NBEAL2: variants seen among roughly 807,000 people sequenced by gnomAD.
NBEAL2 encodes neurobeachin like 2, also known as neurobeachin-like protein 2.
Under a neutral mutation model 299.8 loss-of-function variants are expected in NBEAL2, and 160 were observed. The observed-to-expected ratio is 0.53, with a 90% CI of 0.47 to 0.61. NBEAL2 has a LOEUF of 0.61. NBEAL2 is among the 20% of genes least tolerant of loss of function. NBEAL2 has a pLI of 0.00. For synonymous variants in NBEAL2, 1,493 were observed against 1,542.3 expected (o/e 0.97, Z 0.75); for missense variants, 3,112 against 3,649.0 (o/e 0.85, Z 3.79).
In NBEAL2 at chr3:47,008,391, G is replaced by C; in HGVS notation, c.7828G>C (p.Glu2610Gln). The C allele has an allele frequency of 6.2e-7, 1 of 1,613,930 alleles. No homozygotes were observed. The highest frequency in any genetic ancestry group is 1.3e-5 in the African/African-American group (1 of 75,050). Residue 2610 changes from glutamate (E) to glutamine (Q), a missense_variant, in exon 51 of 54, where the codon GAA becomes CAA. This residue lies in a region of NBEAL2 where 348 missense variants were observed against 381.4 expected (regional missense o/e 0.91). Coordinates refer to ENST00000450053, the MANE Select transcript of NBEAL2 (RefSeq NM_015175.3). ...TATTTTCCACCTGGCATTGGGGTCC[G>C]AAGGCCAGATTGTGGTACAGAGCTC... ...GPIFHLALGSEGQIVVQSSAW... is the reference protein window; with the variant it reads ...GPIFHLALGSQGQIVVQSSAW...
At position 46,999,098 on chromosome 3, in the gene NBEAL2, T is replaced by C; in HGVS notation, c.3524T>C (p.Leu1175Pro). ...LLVRPGSLPL[L>P]PDRVCKILRR... Reference sequence around the variant, plus strand: ...GTGCGGCCAGGGTCACTGCCCCTGCTGCCCGATCGAGTCTGCAAGGTACAC... The same window carrying C: ...GTGCGGCCAGGGTCACTGCCCCTGCCGCCCGATCGAGTCTGCAAGGTACAC... Residue 1175 changes from leucine to proline, a missense_variant, in exon 24 of 54, where the codon CTG (leucine) becomes CCG (proline). Transcript: ENST00000450053. 1 of 1,584,416 alleles carries C rather than the reference T, an allele frequency of 6.3e-7. No homozygotes were observed. The highest frequency in any genetic ancestry group is 1.2e-5 in the South Asian group (1 of 86,578).
At chr3:46,998,251 G>A (rs2036653286) in intron 21 of NBEAL2, 25 bp downstream of exon 21, 2 of 1,603,064 alleles carry the variant, frequency 1.2e-6, no homozygotes, top group Non-Finnish European at 1.7e-6. Context: ...CTGAGCAAGG[G>A]GCCGGCCATA....
chr3:46,991,831 C>T lies in NBEAL2; in HGVS notation c.926-9C>T. On this transcript the variant is annotated splice_polypyrimidine_tract_variant and intron_variant, in intron 8 of 53. Coordinates refer to ENST00000450053, the MANE Select transcript of NBEAL2 (RefSeq NM_015175.3). This position sits in a 1 kb window ranked among gnomAD's most constrained non-coding sequence, Gnocchi z 6.2. ...TCTGGGCAGGGCCTGACCCTTGACCCTTCCACAGACGCCATCCCCATGATG... is the reference window on the plus strand; with the variant it reads ...TCTGGGCAGGGCCTGACCCTTGACCTTTCCACAGACGCCATCCCCATGATG... The T allele has an allele frequency of 6.3e-7, 1 of 1,587,604 alleles. No individual in the cohort carries two copies. The highest frequency in any genetic ancestry group is 1.1e-5 in the South Asian group (1 of 87,108).
In NBEAL2 at chr3:46,989,934, C is replaced by T. The variant is rs1177938804; in HGVS notation, c.556+341C>T. Among the ~76,000 whole-genome samples, 2 of 152,130 alleles carry T rather than the reference C, an allele frequency of 1.3e-5. No individual in the cohort carries two copies. Among genetic ancestry groups the T allele is most frequent in the African/African-American group, 4.8e-5 (2 of 41,408 alleles). On this transcript the variant is annotated intron_variant, in intron 6 of 53. Coordinates refer to ENST00000450053, the MANE Select transcript of NBEAL2 (RefSeq NM_015175.3). The surrounding 1 kb of genome is among the most constrained non-coding windows in gnomAD (Gnocchi z 5.5). ...TGTCCCCATAGCCTCCACGCATCTC[C>T]ACCCATCCCGGAGACACAGGAGGTA... is the stretch of plus-strand genomic sequence containing the variant.
intron 47 of NBEAL2, 25 bp from the exon 48 acceptor site, chr3:47,007,500 C>A (rs376974912): frequency 6.3e-7 from 1 of 1,599,814 alleles, no homozygotes; most frequent in South Asian, 1.1e-5. Flanking sequence ...CCTGGCCTCA[C>A]TTGCTATCCC....
rs1258194703 is a variant in NBEAL2, at chr3:47,009,692, T to A, written c.*372T>A. 2.3e-5 allele frequency: 6 copies of A among 259,756 alleles called. No individual in the cohort carries two copies. The highest frequency in any genetic ancestry group is 3.7e-5 in the Non-Finnish European group (5 of 134,484). The allele number at this position is 259,756 out of a possible 1,614,324, so 16.1% of individuals were successfully genotyped here. On this transcript the variant is annotated 3_prime_UTR_variant, in exon 54 of 54. Coordinates refer to ENST00000450053, the MANE Select transcript of NBEAL2 (RefSeq NM_015175.3). Reference sequence around the variant, plus strand: ...TCCCTTCTCGGCAATAAACCAGGCCTAGTTTTGTAGCTGCTCCGTCTCCGA... The same window carrying A: ...TCCCTTCTCGGCAATAAACCAGGCCAAGTTTTGTAGCTGCTCCGTCTCCGA...
chr3:46,994,638 G>C, intron 12 of NBEAL2, 85 bp downstream of exon 12: 1 of 1,200,814 alleles, frequency 8.3e-7, no homozygotes, highest in South Asian at 1.3e-5. Flanking sequence ...CTCCACCCTG[G>C]GGGACCGTAT....
chr3:46,991,292 C>G lies in NBEAL2; in HGVS notation c.630C>G (p.Leu210=). The change falls in exon 7 of 54, where the codon CTC becomes CTG. Residue 210 remains leucine (L), a synonymous_variant. Transcript: ENST00000450053. This position sits in a 1 kb window ranked among gnomAD's most constrained non-coding sequence, Gnocchi z 6.2. ...LRLIHLFCAV[L]AGGKENGQMA... ...TCATCCACCTCTTCTGCGCCGTCCTCGCTGGAGGAAAGGTAGGCTGGGAGG... is the reference window on the plus strand; with the variant it reads ...TCATCCACCTCTTCTGCGCCGTCCTGGCTGGAGGAAAGGTAGGCTGGGAGG... The G allele has an allele frequency of 6.2e-7, 1 of 1,603,214 alleles. No individual in the cohort carries two copies. The highest frequency in any genetic ancestry group is 8.5e-7 in the Non-Finnish European group (1 of 1,174,760).
Position 47,009,353 on chromosome 3 carries a change from C to T in NBEAL2, c.*33C>T, listed in dbSNP as rs749254898. On this transcript the variant is annotated 3_prime_UTR_variant, in exon 54 of 54. Transcript: ENST00000450053. Reference sequence around the variant, plus strand: ...CAGTCCGGCTGCTCGGGCCCCGCCCCCGGCAGGCCTGGCCCGGGAGGCCCC... The same window carrying T: ...CAGTCCGGCTGCTCGGGCCCCGCCCTCGGCAGGCCTGGCCCGGGAGGCCCC... 1.2e-5 allele frequency: 18 copies of T among 1,554,148 alleles called. No homozygotes were observed. The Middle Eastern group carries it at 5.0e-4, about 43-fold the overall frequency.
rs1047598986 is a variant in NBEAL2 at position 46,987,932 on chromosome 3, C to G, written c.52-737C>G. ...CCGGGAGGAAGCGGTCCCCCTCCCC[C>G]ACCGTGACTCTGCGCTTCCTGCCCC... On this transcript the variant is annotated intron_variant, in intron 1 of 53. Transcript: ENST00000450053. The G allele has an allele frequency of 1.2e-4, 140 of 1,199,280 alleles. 2 individuals are homozygous for G. The South Asian group carries it at 1.8e-3, about 15-fold the overall frequency. 74.3% of individuals were successfully genotyped at this position (1,199,280 alleles called of 1,614,324 possible).
At chr3:47,005,373 C>T (rs2037351482) in intron 40 of NBEAL2, 52 bp downstream of exon 40, 2 of 1,582,384 alleles carry the variant, frequency 1.3e-6, no homozygotes, top group South Asian at 2.3e-5. Context: ...GGGGAGGAGG[C>T]TGGTCCTCCC....
In NBEAL2 at chr3:47,003,793, T is replaced by C; in HGVS notation, c.5721-23T>C. On this transcript the variant is annotated intron_variant, in intron 35 of 53. Transcript: ENST00000450053. This position sits in a 1 kb window ranked among gnomAD's most constrained non-coding sequence, Gnocchi z 7.0. ...GAAGGGGGTCCCAGAGCCTACAGCG[T>C]GAGGTGGGTTGCTGGTCTTTAGGAT... 6.4e-7 allele frequency: 1 copy of C among 1,571,554 alleles called. No individual in the cohort carries two copies. Among genetic ancestry groups the C allele is most frequent in the African/African-American group, 1.3e-5 (1 of 74,110 alleles).
In NBEAL2 at chr3:47,004,128, T is replaced by C; in HGVS notation, c.5933T>C (p.Leu1978Pro). The C allele has an allele frequency of 6.2e-7, 1 of 1,613,654 alleles. No homozygotes were observed. The highest frequency in any genetic ancestry group is 1.1e-5 in the South Asian group (1 of 91,078). Residue 1978 changes from leucine to proline, a missense_variant, in exon 37 of 54, where the codon CTG (leucine) becomes CCG (proline). This residue lies in a region of NBEAL2 where 521 missense variants were observed against 729.6 expected (regional missense o/e 0.71). Coordinates refer to ENST00000450053, the MANE Select transcript of NBEAL2 (RefSeq NM_015175.3). This position sits in a 1 kb window ranked among gnomAD's most constrained non-coding sequence, Gnocchi z 5.0. ...RPLAQLREVHLRRFNLRRSAL... is the reference protein window; with the variant it reads ...RPLAQLREVHPRRFNLRRSAL... ...CTGGCCCAGCTGCGTGAGGTCCACC[T>C]GCGGCGTTTCAACCTGCGCCGTTCA...
rs574980764 is a variant in NBEAL2, at chr3:47,005,692, C to T, written c.6692-46C>T. 1.1e-4 allele frequency: 163 copies of T among 1,506,312 alleles called. 2 individuals carry two copies. The South Asian group carries it at 1.7e-3, about 16-fold the overall frequency. 93.3% of individuals were successfully genotyped at this position (1,506,312 alleles called of 1,614,324 possible). ...AGCAGATGGTGGAGTGGCCAGGGGG[C>T]AGTCGGGATGGACAGGGAGACAGCT... On this transcript the variant is annotated intron_variant, in intron 41 of 53. Coordinates refer to ENST00000450053, the MANE Select transcript of NBEAL2 (RefSeq NM_015175.3).
rs1259063881 is a variant in NBEAL2, at chr3:47,006,462, C to A, written c.7134+13C>A. 8.3e-6 allele frequency: 13 copies of A among 1,557,014 alleles called. No individual in the cohort carries two copies. The highest frequency in any genetic ancestry group is 3.5e-6 in the Non-Finnish European group (4 of 1,148,642). On this transcript the variant is annotated intron_variant, in intron 45 of 53. Transcript: ENST00000450053. Reference sequence around the variant, plus strand: ...ATTCTTCGCAGAGGTGAAAGGAAGACAAGACCTCAACTTTATATTCTGTGA... The same window carrying A: ...ATTCTTCGCAGAGGTGAAAGGAAGAAAAGACCTCAACTTTATATTCTGTGA...
At position 46,999,296 on chromosome 3, in the gene NBEAL2, TCCGATGA is replaced by T; in HGVS notation, c.3544-16_3544-10del. ...AACTCCTTCCACATGATGACAGTCC[TCCGATGA>T]CCCCCACACAGATCCTGCGCAGACT... On this transcript the variant is annotated splice_polypyrimidine_tract_variant and intron_variant, in intron 24 of 53. Coordinates refer to ENST00000450053, the MANE Select transcript of NBEAL2 (RefSeq NM_015175.3). The T allele has an allele frequency of 6.3e-7, 1 of 1,588,230 alleles. No individual in the cohort carries two copies. The highest frequency in any genetic ancestry group is 8.6e-7 in the Non-Finnish European group (1 of 1,164,050).
chr3:47,006,217 G>C lies in NBEAL2; in HGVS notation c.6972G>C (p.Glu2324Asp). Residue 2324 changes from glutamate to aspartate, a missense_variant, in exon 44 of 54, where the codon GAG (glutamate) becomes GAC (aspartate). Physicochemically the swap from Glu to Asp is conservative, Grantham distance 45. Around this residue, in one of 3 missense-constraint regions of NBEAL2, gnomAD observed 521 missense variants for 729.6 expected, o/e 0.71. Transcript: ENST00000450053. ...VTDERERKAL[E>D]GIISNFGQTP... ...ATGAGCGGGAACGGAAGGCTCTGGA[G>C]GGCATTATCAGCAACTTTGGGCAGA... The C allele has an allele frequency of 6.2e-7, 1 of 1,613,958 alleles. No homozygotes were observed. Among genetic ancestry groups the C allele is most frequent in the East Asian group, 2.2e-5 (1 of 44,886 alleles).
chr3:46,994,071 T>G, intron 11 of NBEAL2, 51 bp downstream of exon 11: 1 of 1,526,158 alleles, frequency 6.6e-7, no homozygotes, highest in Non-Finnish European at 8.9e-7. Flanking sequence ...GGAGTTCAAC[T>G]GACCATATCC....
At position 46,998,785 on chromosome 3, in the gene NBEAL2, C is replaced by G; in HGVS notation, c.3290C>G (p.Ala1097Gly). ...RTVQTSLLGL[A>G]REFLVRSLSA... is the part of the protein sequence containing the mutation. ...GTGCAGACCTCCCTCCTGGGCCTGG[C>G]GAGGGAGTTCCTGGTGCGGAGTCTC... The change falls in exon 23 of 54, where the codon GCG becomes GGG. Residue 1097 changes from alanine to glycine, a missense_variant. Transcript: ENST00000450053. 7 of 1,567,162 alleles carry G rather than the reference C, an allele frequency of 4.5e-6. No homozygotes were observed. Among genetic ancestry groups the G allele is most frequent in the Non-Finnish European group, 6.1e-6 (7 of 1,156,134 alleles).
Sources: gnomAD v4.1 joint callset for allele counts (sites outside exome capture counted in the v4.1 genomes callset) on GRCh38, gnomAD v4.1.1 for gene constraint, gnomAD v4.1.1 regional missense constraint, Gnocchi (gnomAD v3.1) non-coding constraint, MANE v1.5 for transcripts, NCBI Gene and HGNC (gene_info 2026-07-23, HGNC 2026-07-21) for gene names.